The following AHCYL2 variants were observed in gnomAD, a reference collection of about 807,000 sequenced individuals.
AHCYL2 encodes the protein S-adenosylhomocysteine hydrolase-like protein 2.
A neutral mutation model predicts 81.4 loss-of-function variants in AHCYL2; 28 were observed. The ratio of observed to expected loss-of-function variants is 0.34; its 90% CI spans 0.25 to 0.47. The LOEUF (loss-of-function observed/expected upper bound fraction) is 0.47. AHCYL2 is among the 20% of genes least tolerant of loss of function. The probability of loss-of-function intolerance (pLI) is 1.00; values close to 1 mark genes in which losing one functional copy is unlikely to be tolerated. For synonymous variants in AHCYL2, 272 were observed against 290.2 expected (o/e 0.94, Z 0.64); for missense variants, 551 against 785.1 (o/e 0.70, Z 3.56).
intron 1 of AHCYL2, among the ~76,000 whole-genome samples, chr7:129,352,919 G>C (rs1453971477): frequency 2.0e-5 from 3 of 148,896 alleles, no homozygotes; most frequent in Non-Finnish European, 4.5e-5. Context: ...TTCATGTTTA[G>C]GCCTTTACCT....
At chr7:129,294,836 A>G (rs1797000427) in intron 1 of AHCYL2, among the ~76,000 whole-genome samples, 1 of 152,180 alleles carries the variant, frequency 6.6e-6, no homozygotes, top group Non-Finnish European at 1.5e-5. Context: ...TGGATAAGTC[A>G]TATGTTGCCT....
intron 1 of AHCYL2, among the ~76,000 whole-genome samples, chr7:129,374,550 G>A (rs1794579685): frequency 1.3e-5 from 2 of 151,248 alleles, no homozygotes; most frequent in African/African-American, 4.9e-5. Flanking sequence ...GCTCATGCCT[G>A]TAATCCTAGC....
intron 1 of AHCYL2, among the ~76,000 whole-genome samples, chr7:129,340,046 G>C (rs1454476395): frequency 6.7e-6 from 1 of 148,308 alleles, no homozygotes; most frequent in African/African-American, 2.5e-5. Context: ...AGCCTCCCTA[G>C]CAGCTGGGAC....
intron 1 of AHCYL2, among the ~76,000 whole-genome samples, chr7:129,273,686 T>G (rs1432107579): frequency 6.6e-6 from 1 of 152,178 alleles, no homozygotes; most frequent in Non-Finnish European, 1.5e-5. Flanking sequence ...TAAAGGGATA[T>G]CTAGAGGTCT....
intron 8 of AHCYL2, chr7:129,405,468 G>C (rs1179581808): frequency 1.7e-5 from 6 of 354,578 alleles, no homozygotes; most frequent in Non-Finnish European, 3.0e-5. Flanking sequence ...AAGTTACTGT[G>C]TTATCTACAT....
intron 1 of AHCYL2, among the ~76,000 whole-genome samples, chr7:129,263,642 C>T (rs1795718816): frequency 6.6e-6 from 1 of 152,168 alleles, no homozygotes; most frequent in South Asian, 2.1e-4. Flanking sequence ...CTCCCTGAGG[C>T]TGTCCTGGTT....
intron 1 of AHCYL2, among the ~76,000 whole-genome samples, chr7:129,349,263 T>C (rs544895051): frequency 6.9e-4 from 105 of 152,144 alleles, no homozygotes; most frequent in Middle Eastern, 3.4e-3. Context: ...AAAACCCTTA[T>C]GCTAAGAATA....
Position 129,325,852 on chromosome 7 carries a change from C to T in AHCYL2, c.364-53786C>T, listed in dbSNP as rs553281583. On this transcript the variant is annotated intron_variant, in intron 1 of 16. Coordinates refer to ENST00000325006, the MANE Select transcript of AHCYL2 (RefSeq NM_015328.4). ...TCCCGAATAGCTGGGACTACAGGCA[C>T]GTGCCACTACGCCTGGCTAATTTTG... 7.9e-5 allele frequency among the ~76,000 whole-genome samples: 12 copies of T among 152,020 alleles called. No homozygotes were observed. The South Asian group carries it at 1.7e-3, about 21-fold the overall frequency.
At chr7:129,394,942 G>A (rs1298557672) in intron 4 of AHCYL2, among the ~76,000 whole-genome samples, 2 of 151,370 alleles carry the variant, frequency 1.3e-5, no homozygotes, top group African/African-American at 4.9e-5. Context: ...TCTCCTGTCT[G>A]ATCAAACATC....
intron 1 of AHCYL2, among the ~76,000 whole-genome samples, chr7:129,327,468 G>A (rs1247414817): frequency 1.3e-5 from 2 of 152,140 alleles, no homozygotes; most frequent in African/African-American, 4.8e-5. Flanking sequence ...AAGTGATAAA[G>A]AAGAAAATAT....
intron 1 of AHCYL2, among the ~76,000 whole-genome samples, chr7:129,330,676 T>G (rs551925254): frequency 1.3e-5 from 2 of 151,764 alleles, no homozygotes; most frequent in South Asian, 4.2e-4. Context: ...TTAGCCAGGA[T>G]AGTATCCATC....
At chr7:129,309,597 T>G (rs1797574697) in intron 1 of AHCYL2, among the ~76,000 whole-genome samples, 1 of 152,158 alleles carries the variant, frequency 6.6e-6, no homozygotes, top group Non-Finnish European at 1.5e-5. Context: ...ATCATTTTAG[T>G]TTGTCACATA....
At chr7:129,347,477 G>A (rs1376764989) in intron 1 of AHCYL2, among the ~76,000 whole-genome samples, 1 of 152,126 alleles carries the variant, frequency 6.6e-6, no homozygotes, top group Non-Finnish European at 1.5e-5. Context: ...CAGAACAGCT[G>A]TGATATGAAA....
chr7:129,321,766 G>GTTTTTTTTTTTTTTTTTTTTTTT (rs1315391980), intron 1 of AHCYL2, among the ~76,000 whole-genome samples: 7 of 107,470 alleles, frequency 6.5e-5, no homozygotes, highest in Admixed American at 1.1e-4. Flanking sequence ...TTTTTTTTTG[G>GTTTTTTTTTTTTTTTTTTTTTTT]TCTTGGTTTT....
At chr7:129,287,447 T>C (rs1013293350) in intron 1 of AHCYL2, among the ~76,000 whole-genome samples, 4 of 152,176 alleles carry the variant, frequency 2.6e-5, no homozygotes, top group African/African-American at 9.7e-5. Flanking sequence ...GACTCCAGAA[T>C]TGAAGTGGGT....
rs370954501 is a variant in AHCYL2 at position 129,247,612 on chromosome 7, T to TTC, written c.363+22173_363+22174insTC. 7.0e-3 allele frequency among the ~76,000 whole-genome samples: 1,056 copies of TTC among 151,610 alleles called. 14 individuals are homozygous for TTC. Among genetic ancestry groups the TTC allele is most frequent in the African/African-American group, 0.024 (1,003 of 41,314 alleles). ...TTTTAAATAGATTGTACTTTTTTTT[T>TTC]CCCCCCAAGACAAGGCCTCATTCTG... is the stretch of plus-strand genomic sequence containing the variant. On this transcript the variant is annotated intron_variant, in intron 1 of 16. Coordinates refer to ENST00000325006, the MANE Select transcript of AHCYL2 (RefSeq NM_015328.4).
At chr7:129,275,487 C>T (rs994910096) in intron 1 of AHCYL2, among the ~76,000 whole-genome samples, 1 of 152,084 alleles carries the variant, frequency 6.6e-6, no homozygotes, top group East Asian at 1.9e-4. Context: ...GTAAGAAATA[C>T]ACCTAAGACA....
In AHCYL2 at chr7:129,422,951, C is replaced by G. The variant is rs546031184; in HGVS notation, c.1560+13C>G. 9.0e-4 allele frequency: 1,459 copies of G among 1,612,718 alleles called. 25 individuals carry two copies. The South Asian group carries it at 0.014, about 16-fold the overall frequency. Reference sequence around the variant, plus strand: ...ACTGCTGGCAGAGGTAAGGCTGAGACTGGCAAAAATACTCCCCCACAACAG... The same window carrying G: ...ACTGCTGGCAGAGGTAAGGCTGAGAGTGGCAAAAATACTCCCCCACAACAG... On this transcript the variant is annotated intron_variant, in intron 13 of 16. Coordinates refer to ENST00000325006, the MANE Select transcript of AHCYL2 (RefSeq NM_015328.4).
chr7:129,376,011 C>A, intron 1 of AHCYL2: 1 of 1,492,976 alleles, frequency 6.7e-7, no homozygotes, highest in East Asian at 2.5e-5. Flanking sequence ...TTTTTCCCCT[C>A]CTTTCCTGCT....
Sources: gnomAD v4.1 joint callset for allele counts (sites outside exome capture counted in the v4.1 genomes callset) on GRCh38, gnomAD v4.1.1 for gene constraint, MANE v1.5 for transcripts, NCBI Gene and HGNC (gene_info 2026-07-23, HGNC 2026-07-21) for gene names.